Variants in AKT2 observed in about 807,000 individuals in gnomAD.
AKT2 encodes the protein RAC-beta serine/threonine-protein kinase.
Under a neutral mutation model 58.6 loss-of-function variants are expected in AKT2, and 16 were observed. That is an observed-to-expected ratio of 0.27 (90% confidence interval 0.18 to 0.41). The LOEUF is 0.41. Among genes scored for constraint, AKT2 ranks in the 10% least tolerant of loss-of-function variants. AKT2 has a pLI of 1.00. For missense variants in AKT2, 438 were observed against 661.0 expected, an observed-to-expected ratio of 0.66 and a Z score of 3.70; for synonymous variants, 253 against 254.0, an observed-to-expected ratio of 1.00 and a Z score of 0.04.
chr19:40,241,891 C>G, intron 6 of AKT2, 47 bp downstream of exon 6: 2 of 1,612,904 alleles, frequency 1.2e-6, no homozygotes, highest in Non-Finnish European at 1.7e-6. Flanking sequence ...AGGCTCCAGA[C>G]CGCAGCCCCC....
chr19:40,265,430 G>A, intron 1 of AKT2, 79 bp from the exon 2 acceptor site: 1 of 1,508,160 alleles, frequency 6.6e-7, no homozygotes, highest in African/African-American at 1.4e-5. Flanking sequence ...CGGGCTCTGA[G>A]GCCCTCTGGC....
chr19:40,265,316 C>T lies in AKT2; in HGVS notation c.-49G>A. The T allele has an allele frequency of 1.9e-6, 3 of 1,600,380 alleles. No homozygotes were observed. The highest frequency in any genetic ancestry group is 2.6e-6 in the Non-Finnish European group (3 of 1,173,794). On this transcript the variant is annotated 5_prime_UTR_variant, in exon 2 of 14. Transcript: ENST00000392038. ...CCTAGCTCGGGACAGCTCAGGGCAGCAGGACATGCAGGAGGCACCGTGGAC... is the reference window on the plus strand; with the variant it reads ...CCTAGCTCGGGACAGCTCAGGGCAGTAGGACATGCAGGAGGCACCGTGGAC...
chr19:40,236,534 G>A (rs1974038931), intron 9 of AKT2, 149 bp from the exon 10 acceptor site: 13 of 1,072,746 alleles, frequency 1.2e-5, no homozygotes, highest in South Asian at 5.5e-5. Context: ...CACCCTCTGA[G>A]GCTCAGAGAG....
At chr19:40,249,503 C>G (rs1160868559) in intron 4 of AKT2, among the ~76,000 whole-genome samples, 1 of 152,208 alleles carries the variant, frequency 6.6e-6, no homozygotes, top group Non-Finnish European at 1.5e-5. Flanking sequence ...CGGGGCACCC[C>G]AGAGAGAAGC....
intron 4 of AKT2, among the ~76,000 whole-genome samples, chr19:40,246,606 C>T (rs777604258): frequency 3.3e-5 from 5 of 152,174 alleles, no homozygotes; most frequent in East Asian, 1.9e-4. Flanking sequence ...GAGACTGTCA[C>T]GTGAAGATGG....
In AKT2 at chr19:40,265,672, G is replaced by A. The variant is rs17846837; in HGVS notation, c.-84-321C>T. On this transcript the variant is annotated intron_variant, in intron 1 of 13. Coordinates refer to ENST00000392038, the MANE Select transcript of AKT2 (RefSeq NM_001626.6). ...TGACTGAGCAAGCATCAAGGTAGCC[G>A]TGCCCTGCCCTCCCCGTGTCATTCC... The A allele has an allele frequency of 6.6e-4, 229 of 344,900 alleles. 6 individuals are homozygous for A. In the East Asian group the frequency reaches 0.014, roughly 20 times the overall value. 21.4% of individuals were successfully genotyped at this position (344,900 alleles called of 1,614,324 possible).
intron 4 of AKT2, among the ~76,000 whole-genome samples, chr19:40,254,194 A>T (rs1261616923): frequency 6.6e-6 from 1 of 151,856 alleles, no homozygotes; most frequent in Non-Finnish European, 1.5e-5. Context: ...TTTTAAAATG[A>T]CTCTCTGGAC....
At chr19:40,280,493 C>A (rs1010887921) in intron 1 of AKT2, among the ~76,000 whole-genome samples, 2 of 152,124 alleles carry the variant, frequency 1.3e-5, no homozygotes, top group African/African-American at 4.8e-5. Context: ...AGCCTGTGAC[C>A]GGCTCCTGGG....
Position 40,235,844 on chromosome 19 carries a change from G to T in AKT2, c.1175+46C>A. On this transcript the variant is annotated intron_variant, in intron 11 of 13. Transcript: ENST00000392038. The surrounding 1 kb of genome is among the most constrained non-coding windows in gnomAD (Gnocchi z 6.3). ...GCCCCCTCCAGGCCGCAGGGACAGTGGCAGCAGCTGGCGCTGGGCTGGGTG... is the reference window on the plus strand; with the variant it reads ...GCCCCCTCCAGGCCGCAGGGACAGTTGCAGCAGCTGGCGCTGGGCTGGGTG... 1 of 1,566,030 alleles carries T rather than the reference G, an allele frequency of 6.4e-7. No individual in the cohort carries two copies. The highest frequency in any genetic ancestry group is 8.6e-7 in the Non-Finnish European group (1 of 1,156,948).
intron 1 of AKT2, among the ~76,000 whole-genome samples, chr19:40,276,424 A>G (rs2077326994): frequency 8.8e-6 from 1 of 113,608 alleles, no homozygotes; most frequent in Non-Finnish European, 1.6e-5. Flanking sequence ...GGAGTGCAGT[A>G]GTGCGATCTT....
rs1974114726 is a variant in AKT2 at position 40,237,667 on chromosome 19, G to T, written c.831+302C>A. The T allele has an allele frequency of 5.2e-6, 2 of 385,028 alleles. No individual in the cohort carries two copies. Among genetic ancestry groups the T allele is most frequent in the Admixed American group, 7.7e-5 (2 of 26,002 alleles). 23.9% of individuals were successfully genotyped at this position (385,028 alleles called of 1,614,324 possible). On this transcript the variant is annotated intron_variant, in intron 9 of 13. Coordinates refer to ENST00000392038, the MANE Select transcript of AKT2 (RefSeq NM_001626.6). This position sits in a 1 kb window ranked among gnomAD's most constrained non-coding sequence, Gnocchi z 4.5. ...AAATAAATAAATACAAATAAAGTAGGTATTGTGGCAGTTGACACTCCGCTA... is the reference window on the plus strand; with the variant it reads ...AAATAAATAAATACAAATAAAGTAGTTATTGTGGCAGTTGACACTCCGCTA...
In AKT2 at chr19:40,242,824, T is replaced by C; in HGVS notation, c.288-137A>G. ...TAACCATGGGAATTTGGGCAAGATCTGTCAGAACCAGAGAGAGCTGAAGGG... is the reference window on the plus strand; with the variant it reads ...TAACCATGGGAATTTGGGCAAGATCCGTCAGAACCAGAGAGAGCTGAAGGG... On this transcript the variant is annotated intron_variant, in intron 4 of 13. Coordinates refer to ENST00000392038, the MANE Select transcript of AKT2 (RefSeq NM_001626.6). The surrounding 1 kb of genome is among the most constrained non-coding windows in gnomAD (Gnocchi z 4.3). 2.0e-6 allele frequency: 2 copies of C among 979,858 alleles called. No individual in the cohort carries two copies. Among genetic ancestry groups the C allele is most frequent in the South Asian group, 1.4e-5 (1 of 69,314 alleles). The allele number at this position is 979,858 out of a possible 1,614,324, so 60.7% of individuals were successfully genotyped here.
intron 2 of AKT2, among the ~76,000 whole-genome samples, chr19:40,261,771 A>G (rs1304661942): frequency 1.3e-5 from 2 of 152,122 alleles, no homozygotes; most frequent in Non-Finnish European, 2.9e-5. Flanking sequence ...ATGGGTACAA[A>G]GTTTTATTTT....
chr19:40,275,108 C>T (rs1050964803), intron 1 of AKT2: 11 of 456,702 alleles, frequency 2.4e-5, no homozygotes, highest in Admixed American at 4.7e-5. Flanking sequence ...ATACCCACAG[C>T]GAGAGACAGC....
intron 3 of AKT2, among the ~76,000 whole-genome samples, chr19:40,256,507 G>T (rs1371626652): frequency 6.6e-6 from 1 of 152,226 alleles, no homozygotes; most frequent in Non-Finnish European, 1.5e-5. Flanking sequence ...GGGTATTACA[G>T]AGGGACAGAG....
Position 40,240,029 on chromosome 19 carries a change from G to T in AKT2, c.639+16C>A. The T allele has an allele frequency of 1.2e-6, 2 of 1,613,258 alleles. No homozygotes were observed. The highest frequency in any genetic ancestry group is 1.7e-6 in the Non-Finnish European group (2 of 1,179,304). On this transcript the variant is annotated intron_variant, in intron 7 of 13. Transcript: ENST00000392038. ...AGGCTGGCCTCACACTGTCTGGGAA[G>T]GGGAGGGCAACTCACAGTGAGGAAC... is the stretch of plus-strand genomic sequence containing the variant.
At chr19:40,261,810 T>C (rs775883471) in intron 2 of AKT2, among the ~76,000 whole-genome samples, 6 of 152,036 alleles carry the variant, frequency 3.9e-5, no homozygotes, top group Non-Finnish European at 8.8e-5. Flanking sequence ...TGAAACTAGA[T>C]AGAGGTAGTG....
rs749016613 is a variant in AKT2 at position 40,255,286 on chromosome 19, C to G, written c.176-17G>C. The G allele has an allele frequency of 6.2e-7, 1 of 1,607,156 alleles. No individual in the cohort carries two copies. The highest frequency in any genetic ancestry group is 1.1e-5 in the South Asian group (1 of 90,952). ...GCTGGCATTCTGCAGGCAGAGGGAA[C>G]AGACAGCAGGGGGCTGAGGGGATAG... On this transcript the variant is annotated splice_polypyrimidine_tract_variant and intron_variant, in intron 3 of 13. Coordinates refer to ENST00000392038, the MANE Select transcript of AKT2 (RefSeq NM_001626.6).
At chr19:40,249,691 G>A (rs1237327929) in intron 4 of AKT2, among the ~76,000 whole-genome samples, 1 of 152,230 alleles carries the variant, frequency 6.6e-6, no homozygotes, top group Non-Finnish European at 1.5e-5. Context: ...GCCTTGTGAG[G>A]AGAAAATAAA....
Sources: allele counts gnomAD v4.1 joint callset (sites outside exome capture counted in the v4.1 genomes callset), GRCh38; gene constraint gnomAD v4.1.1; non-coding constraint Gnocchi (gnomAD v3.1); transcripts MANE v1.5; gene names NCBI Gene and HGNC (gene_info 2026-07-23, HGNC 2026-07-21).